The following GPC3 variants were observed in gnomAD, a reference collection of about 807,000 sequenced individuals.
GPC3 encodes the protein glypican-3.
In GPC3, 3 loss-of-function variants were observed where a neutral mutation model predicts 34.4. That is an observed-to-expected ratio of 0.09 (90% confidence interval 0.04 to 0.23). The LOEUF (loss-of-function observed/expected upper bound fraction) is 0.23. Among genes scored for constraint, GPC3 ranks in the 10% least tolerant of loss-of-function variants. The pLI, the probability that GPC3 is intolerant of heterozygous loss-of-function variation, is 1.00. For missense variants in GPC3, 351 were observed against 445.6 expected (o/e 0.79, Z 1.91); for synonymous variants, 177 against 174.0 (o/e 1.02, Z -0.13).
intron 7 of GPC3, among the ~76,000 whole-genome samples, chrX:133,591,222 AT>A (rs777259469): frequency 8.9e-6 from 1 of 112,041 alleles, no homozygotes; most frequent in African/African-American, 3.2e-5. Flanking sequence ...GGAGGAGGCA[AT>A]TTGGAGGGCT....
At chrX:133,598,319 AT>A (rs775555818) in intron 6 of GPC3, among the ~76,000 whole-genome samples, 6,600 of 98,807 alleles carry the variant, frequency 0.067, 539 homozygotes, top group African/African-American at 0.21. Context: ...TCCCCAGCTA[AT>A]TTTTTTTTTT....
At chrX:133,879,121 A>G (rs2076030180) in intron 2 of GPC3, among the ~76,000 whole-genome samples, 1 of 111,099 alleles carries the variant, frequency 9.0e-6, no homozygotes, top group African/African-American at 3.3e-5. Context: ...TCAGAGAGAA[A>G]GTGTCATAGT....
chrX:133,819,596 C>A (rs909741069), intron 2 of GPC3, among the ~76,000 whole-genome samples: 3 of 110,702 alleles, frequency 2.7e-5, no homozygotes, highest in African/African-American at 9.9e-5. Context: ...AATAACAGAT[C>A]AAATGCCTTA....
At chrX:133,585,443 G>A (rs1299915642) in intron 7 of GPC3, among the ~76,000 whole-genome samples, 4 of 110,434 alleles carry the variant, frequency 3.6e-5, no homozygotes, top group East Asian at 2.8e-4. Context: ...CACTCTGCAC[G>A]CTCACGATTC....
chrX:133,665,118 A>G lies in GPC3; in HGVS notation c.1293-3268T>C, dbSNP rs200872041. 3.6e-5 allele frequency among the ~76,000 whole-genome samples: 4 copies of G among 112,162 alleles called. No individual in the cohort carries two copies. The East Asian group carries it at 1.1e-3, about 31-fold the overall frequency. On this transcript the variant is annotated intron_variant, in intron 5 of 7. Coordinates refer to ENST00000370818, the MANE Select transcript of GPC3 (RefSeq NM_004484.4). ...ACAATGCTGCAGAGAACATCCTTGT[A>G]TACTGATTTTCACACACTGGCATTT...
At chrX:133,693,148 A>G (rs1489903661) in intron 4 of GPC3, among the ~76,000 whole-genome samples, 1 of 100,506 alleles carries the variant, frequency 9.9e-6, no homozygotes, top group Non-Finnish European at 2.0e-5. Context: ...GCTACATATA[A>G]TAAGACAAGT....
At chrX:133,983,420 G>C (rs2076549952) in intron 1 of GPC3, among the ~76,000 whole-genome samples, 1 of 112,247 alleles carries the variant, frequency 8.9e-6, no homozygotes, top group Non-Finnish European at 1.9e-5. Context: ...CACAGCGTGT[G>C]GGCCCTCCCA....
chrX:133,978,159 T>A (rs377385198), intron 1 of GPC3, among the ~76,000 whole-genome samples: 1 of 112,183 alleles, frequency 8.9e-6, no homozygotes, highest in Non-Finnish European at 1.9e-5. Flanking sequence ...TCTGGAACTC[T>A]TGGCCTCAAG....
intron 4 of GPC3, among the ~76,000 whole-genome samples, chrX:133,693,903 G>C (rs6638120): frequency 9.0e-6 from 1 of 110,774 alleles, no homozygotes; most frequent in South Asian, 3.9e-4. Context: ...GGTTCTCCAG[G>C]GATTGGATTA....
chrX:133,763,573 C>T (rs899736595), intron 2 of GPC3: 9 of 582,982 alleles, frequency 1.5e-5, no homozygotes, highest in Non-Finnish European at 2.4e-5. Flanking sequence ...TGTGCCTATT[C>T]AGCAGTTCCC....
rs776939516 is a variant in GPC3, at chrX:133,689,407, C to T, written c.1292+2962G>A. 1.1e-4 allele frequency among the ~76,000 whole-genome samples: 12 copies of T among 111,620 alleles called. 1 individual carries two copies. Among genetic ancestry groups the T allele is most frequent in the Non-Finnish European group, 2.1e-4 (11 of 53,112 alleles). On this transcript the variant is annotated intron_variant, in intron 5 of 7. Coordinates refer to ENST00000370818, the MANE Select transcript of GPC3 (RefSeq NM_004484.4). ...GGACTCATTCAAATTTAGCAGGCTTCGGAATCCACCATTTGATAGAAGAGA... is the reference window on the plus strand; with the variant it reads ...GGACTCATTCAAATTTAGCAGGCTTTGGAATCCACCATTTGATAGAAGAGA...
At chrX:133,849,084 CTTTTTTTTTTTT>C (rs60339728) in intron 2 of GPC3, among the ~76,000 whole-genome samples, 1 of 46,273 alleles carries the variant, frequency 2.2e-5, no homozygotes, top group Admixed American at 2.3e-4. Flanking sequence ...ACTAAAGTTT[CTTTTTTTTTTTT>C]TTTTTTTTTT....
intron 6 of GPC3, among the ~76,000 whole-genome samples, chrX:133,600,478 A>G (rs958209738): frequency 2.0e-4 from 22 of 112,118 alleles, no homozygotes; most frequent in Non-Finnish European, 3.8e-5. Flanking sequence ...TTCTTTAGGT[A>G]TTAAATCACT....
Position 133,753,582 on chromosome X carries a change from T to C in GPC3, c.932A>G (p.Tyr311Cys). 8.3e-7 allele frequency: 1 copy of C among 1,206,616 alleles called. No individual in the cohort carries two copies. Among genetic ancestry groups the C allele is most frequent in the Non-Finnish European group, 1.1e-6 (1 of 890,677 alleles). ...LSLEELVNGMYRIYDMENVLL... is the reference protein window; with the variant it reads ...LSLEELVNGMCRIYDMENVLL... ...TACGTTCTCCATGTCATAGATTCTGTACATGCCATTCACAAGTTCTTCAAG... is the reference window on the plus strand; with the variant it reads ...TACGTTCTCCATGTCATAGATTCTGCACATGCCATTCACAAGTTCTTCAAG... The change falls in exon 3 of 8, where the codon TAC becomes TGC. Residue 311 changes from tyrosine (Y) to cysteine (C), a missense_variant. By Grantham distance (194) the Tyr-to-Cys change is radical. Transcript: ENST00000370818.
intron 1 of GPC3, among the ~76,000 whole-genome samples, chrX:133,977,878 C>T (rs1254980394): frequency 8.9e-6 from 1 of 111,810 alleles, no homozygotes. Flanking sequence ...CTTTATCCTA[C>T]CCAAATGAAA....
intron 2 of GPC3, among the ~76,000 whole-genome samples, chrX:133,812,194 T>C (rs762154166): frequency 8.9e-6 from 1 of 112,182 alleles, no homozygotes; most frequent in South Asian, 3.7e-4. Flanking sequence ...CTGATATAAA[T>C]GGGTCTAAAG....
At chrX:133,768,949 C>A (rs111794133) in intron 2 of GPC3, among the ~76,000 whole-genome samples, 6,433 of 108,997 alleles carry the variant, frequency 0.059, 548 homozygotes, top group African/African-American at 0.2. Context: ...CAAAAAAAAA[C>A]AAAAGAAAGA....
chrX:133,710,062 T>C (rs1468998969), intron 3 of GPC3, among the ~76,000 whole-genome samples: 1 of 112,012 alleles, frequency 8.9e-6, no homozygotes, highest in Non-Finnish European at 1.9e-5. Context: ...TGCTTGACCA[T>C]TAAGATAAAA....
At chrX:133,785,946 A>G (rs1358940910) in intron 2 of GPC3, among the ~76,000 whole-genome samples, 1 of 112,557 alleles carries the variant, frequency 8.9e-6, no homozygotes, top group Non-Finnish European at 1.9e-5. Flanking sequence ...CTATTCATGC[A>G]CAGTATAATA....
Sources: gnomAD v4.1 joint callset for allele counts (sites outside exome capture counted in the v4.1 genomes callset) on GRCh38, gnomAD v4.1.1 for gene constraint, MANE v1.5 for transcripts, NCBI Gene and HGNC (gene_info 2026-07-23, HGNC 2026-07-21) for gene names.